CDK12: variants seen among roughly 807,000 people sequenced by gnomAD.
CDK12 encodes the protein cyclin-dependent kinase 12.
CDK12 carries 17 observed loss-of-function variants against 133.8 expected under a neutral mutation model. The observed-to-expected ratio is 0.13, with a 90% CI of 0.09 to 0.19. The LOEUF (loss-of-function observed/expected upper bound fraction) is 0.19, where lower values mean the gene tolerates loss of function less well. CDK12 is among the 10% of genes least tolerant of loss of function. The pLI is 1.00. For synonymous variants in CDK12, 694 were observed against 683.6 expected (o/e 1.02, Z -0.24); for missense variants, 1,508 against 1,818.7 (o/e 0.83, Z 3.11).
intron 2 of CDK12, among the ~76,000 whole-genome samples, chr17:39,481,673 TC>T (rs1567706442): frequency 8.3e-4 from 11 of 13,304 alleles, no homozygotes; most frequent in Non-Finnish European, 2.1e-3. Flanking sequence ...TCTCTCTCTC[TC>T]TCTCTCTCTC....
At chr17:39,482,015 C>CTTTTTTTTTTTTTTTTTTTT (rs56340258) in intron 2 of CDK12, among the ~76,000 whole-genome samples, 2 of 96,228 alleles carry the variant, frequency 2.1e-5, no homozygotes, top group African/African-American at 6.6e-5. Context: ...CCTGGCTTGC[C>CTTTTTTTTTTTTTTTTTTTT]TTTTTTTTTT....
At chr17:39,504,393 G>A (rs959127855) in intron 6 of CDK12, among the ~76,000 whole-genome samples, 4 of 152,088 alleles carry the variant, frequency 2.6e-5, no homozygotes, top group Non-Finnish European at 5.9e-5. Context: ...TGCAAGATAG[G>A]CAGGTTTAAG....
chr17:39,524,710 T>C lies in CDK12; in HGVS notation c.3132T>C (p.Ser1044=). 6.2e-7 allele frequency: 1 copy of C among 1,614,124 alleles called. No individual in the cohort carries two copies. Among genetic ancestry groups the C allele is most frequent in the Non-Finnish European group, 8.5e-7 (1 of 1,180,026 alleles). ...GGCAGGATTGCCATGAGTTGTGGAG[T>C]AAGAAACGGCGACGTCAGCGACAAA... ...PHWQDCHELW[S]KKRRRQRQSG... The change falls in exon 12 of 14, where the codon AGT becomes AGC. Residue 1044 remains serine, a synonymous_variant. Coordinates refer to ENST00000447079, the MANE Select transcript of CDK12 (RefSeq NM_016507.4).
intron 3 of CDK12, among the ~76,000 whole-genome samples, chr17:39,561,062 G>A (rs1191180370): frequency 6.6e-6 from 1 of 152,152 alleles, no homozygotes; most frequent in African/African-American, 2.4e-5. Context: ...GGGGACCTGT[G>A]CCCTTGAAAT....
At chr17:39,480,342 T>C (rs1248136084) in intron 2 of CDK12, among the ~76,000 whole-genome samples, 1 of 151,692 alleles carries the variant, frequency 6.6e-6, no homozygotes, top group Non-Finnish European at 1.5e-5. Flanking sequence ...TGGCTCACTG[T>C]AACCTCCATC....
At chr17:39,466,919 CT>C (rs71147340) in intron 1 of CDK12, among the ~76,000 whole-genome samples, 103,322 of 151,704 alleles carry the variant, frequency 0.68, 36,145 homozygotes, top group South Asian at 0.89. Flanking sequence ...ATGATATTCT[CT>C]TGTGTTTTTT....
intron 8 of CDK12, among the ~76,000 whole-genome samples, chr17:39,513,278 A>G (rs979259970): frequency 2.6e-5 from 4 of 152,182 alleles, no homozygotes; most frequent in African/African-American, 9.6e-5. Context: ...TCTGACATAT[A>G]TACTTCCCAG....
rs2048985549 is a variant in CDK12, at chr17:39,461,920, G to C, written c.-152G>C. On this transcript the variant is annotated 5_prime_UTR_variant, in exon 1 of 14. Transcript: ENST00000447079. ...GTAGAAGGGTGCTGAGGCGTCGGGA[G>C]GGAGGAGGAGCCTGGGCTACCGTCC... 3.2e-6 allele frequency: 2 copies of C among 630,364 alleles called. No homozygotes were observed. Among genetic ancestry groups the C allele is most frequent in the Non-Finnish European group, 5.6e-6 (2 of 355,084 alleles). 39.0% of individuals were successfully genotyped at this position (630,364 alleles called of 1,614,324 possible). A position where few individuals can be genotyped will look rare whatever the true frequency, so the allele number is the denominator to read the frequency against.
At position 39,526,018 on chromosome 17, in the gene CDK12, C is replaced by G; in HGVS notation, c.3462C>G (p.Asn1154Lys). 1 of 1,614,214 alleles carries G rather than the reference C, an allele frequency of 6.2e-7. No homozygotes were observed. The highest frequency in any genetic ancestry group is 8.5e-7 in the Non-Finnish European group (1 of 1,180,052). Residue 1154 changes from asparagine (N) to lysine (K), a missense_variant, in exon 13 of 14, where the codon AAC becomes AAG. By Grantham distance (94) the Asn-to-Lys change is moderately conservative. Around this residue, in one of 9 missense-constraint regions of CDK12, gnomAD observed 399 missense variants for 469.6 expected, o/e 0.85. Transcript: ENST00000447079. ...TGCAGCAGCAGCTGGAAGCCCTGAA[C>G]CAATCCATCAGTGCCCTGACGGAAG... ...PEMQQQLEAL[N>K]QSISALTEAT...
chr17:39,473,752 G>GCA (rs2049977536), intron 2 of CDK12, among the ~76,000 whole-genome samples: 1 of 152,146 alleles, frequency 6.6e-6, no homozygotes, highest in Admixed American at 6.6e-5. Context: ...GGGCGTGGTG[G>GCA]CGGTTGCCTA....
At chr17:39,526,493 A>C (rs1230671651) in intron 13 of CDK12, among the ~76,000 whole-genome samples, 177 bp downstream of exon 13, 2 of 152,188 alleles carry the variant, frequency 1.3e-5, no homozygotes, top group African/African-American at 4.8e-5. Context: ...CTTTTATTTA[A>C]GTCTCAAAGC....
chr17:39,481,063 G>T (rs971115514), intron 2 of CDK12, among the ~76,000 whole-genome samples: 1 of 151,978 alleles, frequency 6.6e-6, no homozygotes, highest in Non-Finnish European at 1.5e-5. Context: ...AGACCAGCCT[G>T]GCCAACATGG....
At chr17:39,503,011 A>G (rs1196804292) in intron 6 of CDK12, among the ~76,000 whole-genome samples, 1 of 152,154 alleles carries the variant, frequency 6.6e-6, no homozygotes, top group Non-Finnish European at 1.5e-5. Flanking sequence ...CCCAGGAGGT[A>G]GAGGTTACAG....
chr17:39,521,538 C>T (rs1406373264), intron 11 of CDK12, among the ~76,000 whole-genome samples: 3 of 151,974 alleles, frequency 2.0e-5, no homozygotes, highest in Non-Finnish European at 4.4e-5. Flanking sequence ...GCCGGGATTA[C>T]AGATGTGAGC....
chr17:39,526,493 A>T (rs1230671651), intron 13 of CDK12, among the ~76,000 whole-genome samples, 177 bp downstream of exon 13: 3 of 152,188 alleles, frequency 2.0e-5, no homozygotes, highest in Non-Finnish European at 4.4e-5. Context: ...CTTTTATTTA[A>T]GTCTCAAAGC....
At chr17:39,522,686 G>A (rs190190310) in intron 11 of CDK12, among the ~76,000 whole-genome samples, 1 of 152,134 alleles carries the variant, frequency 6.6e-6, no homozygotes, top group African/African-American at 2.4e-5. Context: ...CGCCTGCCTC[G>A]TCCTCCCAAA....
chr17:39,494,382 C>G, intron 4 of CDK12, 142 bp from the exon 5 acceptor site: 1 of 677,618 alleles, frequency 1.5e-6, no homozygotes, highest in Non-Finnish European at 2.5e-6. Flanking sequence ...CTAGAGTTTA[C>G]TTTTTAAAGG....
Position 39,462,385 on chromosome 17 carries a change from G to C in CDK12, c.314G>C (p.Ser105Thr), listed in dbSNP as rs762191969. ...ENDERRGSDR[S>T]DRLHKHRHHQ... The stretch of plus-strand genomic sequence containing the variant: ...GACGAACGTCGTGGATCAGATCGGA[G>C]CGACCGCCTGCACAAACATCGTCAC... Residue 105 changes from serine (S) to threonine (T), a missense_variant, in exon 1 of 14, where the codon AGC becomes ACC. Coordinates refer to ENST00000447079, the MANE Select transcript of CDK12 (RefSeq NM_016507.4). 1 of 1,614,194 alleles carries C rather than the reference G, an allele frequency of 6.2e-7. No individual in the cohort carries two copies. The highest frequency in any genetic ancestry group is 1.7e-5 in the Admixed American group (1 of 60,020).
Position 39,462,047 on chromosome 17 carries a change from C to G in CDK12, c.-25C>G, listed in dbSNP as rs758812227. 4 of 1,591,742 alleles carry G rather than the reference C, an allele frequency of 2.5e-6. No homozygotes were observed. Among genetic ancestry groups the G allele is most frequent in the Non-Finnish European group, 3.4e-6 (4 of 1,165,926 alleles). The stretch of plus-strand genomic sequence containing the variant: ...TTTGGAGTGCTGGGGAACTTTTTTC[C>G]CTTCTTCAGGTCAGGGGAAAGGGAA... On this transcript the variant is annotated 5_prime_UTR_variant, in exon 1 of 14. Transcript: ENST00000447079.
Sources: gnomAD v4.1 joint callset for allele counts (sites outside exome capture counted in the v4.1 genomes callset) on GRCh38, gnomAD v4.1.1 for gene constraint, gnomAD v4.1.1 regional missense constraint, MANE v1.5 for transcripts, NCBI Gene and HGNC (gene_info 2026-07-23, HGNC 2026-07-21) for gene names.